UTRN: variants seen among roughly 807,000 people sequenced by gnomAD.
UTRN encodes the protein utrophin.
A neutral mutation model predicts 463.9 loss-of-function variants in UTRN; 283 were observed. That is an observed-to-expected ratio of 0.61 (90% CI 0.55 to 0.67). The LOEUF (loss-of-function observed/expected upper bound fraction) is 0.67, where lower values mean the gene tolerates loss of function less well. Among genes scored for constraint, UTRN ranks in the 30% least tolerant of loss-of-function variants. UTRN has a pLI of 0.00. For synonymous variants in UTRN, 1,442 were observed against 1,431.5 expected, an observed-to-expected ratio of 1.01 and a Z score of -0.17; for missense variants, 3,922 against 4,084.3, an observed-to-expected ratio of 0.96 and a Z score of 1.08.
intron 2 of UTRN, among the ~76,000 whole-genome samples, chr6:144,399,877 C>T (rs1782785001): frequency 6.6e-6 from 1 of 152,202 alleles, no homozygotes; most frequent in African/African-American, 2.4e-5. Context: ...TCTTGCTATA[C>T]TTCTTTTACC....
rs374209033 is a variant in UTRN, at chr6:144,700,106, G to A, written c.7672G>A (p.Ala2558Thr). The A allele has an allele frequency of 1.1e-5, 17 of 1,608,288 alleles. No homozygotes were observed. Among genetic ancestry groups the A allele is most frequent in the South Asian group, 3.3e-5 (3 of 90,240 alleles). ...CAACAGGGCCCATTTGGAGGCCAGCGCTGAGAAGTGGAACAGGTTGCTGAT... is the reference window on the plus strand; with the variant it reads ...CAACAGGGCCCATTTGGAGGCCAGCACTGAGAAGTGGAACAGGTTGCTGAT... ...ASIRAHLEASAEKWNRLLMSL... is the reference protein window; with the variant it reads ...ASIRAHLEASTEKWNRLLMSL... The change falls in exon 53 of 75, where the codon GCT (alanine) becomes ACT (threonine). Residue 2558 changes from alanine (A) to threonine (T), a missense_variant. Around this residue, in one of 3 missense-constraint regions of UTRN, gnomAD observed 1,309 missense variants for 1,452.6 expected, o/e 0.90. Transcript: ENST00000367545.
intron 6 of UTRN, among the ~76,000 whole-genome samples, chr6:144,425,811 T>C (rs1785245127): frequency 2.0e-5 from 3 of 152,236 alleles, no homozygotes; most frequent in African/African-American, 7.2e-5. Flanking sequence ...AAAACATATT[T>C]ACTAATTTAG....
intron 51 of UTRN, among the ~76,000 whole-genome samples, chr6:144,629,907 C>T (rs759933306): frequency 6.6e-5 from 10 of 152,074 alleles, no homozygotes; most frequent in Non-Finnish European, 7.4e-5. Flanking sequence ...GCATTCTGGC[C>T]GGGCGTAGTG....
At chr6:144,676,128 G>T (rs988631680) in intron 51 of UTRN, among the ~76,000 whole-genome samples, 2 of 149,748 alleles carry the variant, frequency 1.3e-5, no homozygotes, top group Admixed American at 6.7e-5. Flanking sequence ...GCATGCAATT[G>T]TTTTGGATAA....
intron 14 of UTRN, 59 bp downstream of exon 14, chr6:144,444,441 T>C: frequency 7.4e-7 from 1 of 1,344,808 alleles, no homozygotes; most frequent in Non-Finnish European, 1.0e-6. Context: ...CCATCTTTTA[T>C]TGTGACTTTA....
At chr6:144,526,775 T>A (rs1796607122) in intron 41 of UTRN, among the ~76,000 whole-genome samples, 1 of 151,682 alleles carries the variant, frequency 6.6e-6, no homozygotes, top group Non-Finnish European at 1.5e-5. Context: ...TTTGTTATTG[T>A]TAATAGGTTC....
At chr6:144,690,074 G>GTTTTTTTTTTTTTTTTTTTT (rs1554339291) in intron 52 of UTRN, among the ~76,000 whole-genome samples, 2 of 31,274 alleles carry the variant, frequency 6.4e-5, no homozygotes, top group Non-Finnish European at 1.0e-4. Flanking sequence ...AAAAGTTTCT[G>GTTTTTTTTTTTTTTTTTTTT]TTTTTTTTTT....
At chr6:144,628,990 A>G (rs1585657051) in intron 51 of UTRN, among the ~76,000 whole-genome samples, 1 of 152,304 alleles carries the variant, frequency 6.6e-6, no homozygotes, top group African/African-American at 2.4e-5. Flanking sequence ...GTTAAATTTG[A>G]TTAATGATTA....
At position 144,836,417 on chromosome 6, in the gene UTRN, T is replaced by C. The variant is rs1313562025; in HGVS notation, c.9941T>C (p.Leu3314Pro). The C allele has an allele frequency of 2.6e-6, 4 of 1,519,296 alleles. No individual in the cohort carries two copies. In the South Asian group the frequency reaches 4.5e-5, roughly 17 times the overall value. 94.1% of individuals were successfully genotyped at this position (1,519,296 alleles called of 1,614,324 possible). A position where few individuals can be genotyped will look rare whatever the true frequency, so the allele number is the denominator to read the frequency against. ...SPHHTSEDSE[L>P]IAEAKLLRQH... ...CATCACACGTCTGAGGATTCAGAAC[T>C]TATAGCAGAAGCAAAACTCCTCAGG... Residue 3314 changes from leucine to proline, a missense_variant, in exon 71 of 75, where the codon CTT (leucine) becomes CCT (proline). Physicochemically the swap from Leu to Pro is moderately conservative, Grantham distance 98 (BLOSUM62 -3). Around this residue, in one of 3 missense-constraint regions of UTRN, gnomAD observed 1,309 missense variants for 1,452.6 expected, o/e 0.90. Transcript: ENST00000367545.
At chr6:144,477,908 T>TATCTATCC (rs376542743) in intron 25 of UTRN, among the ~76,000 whole-genome samples, 6,577 of 147,306 alleles carry the variant, frequency 0.045, 155 homozygotes, top group South Asian at 0.088. Flanking sequence ...TCTATCTATC[T>TATCTATCC]ATCCATCCAT....
At chr6:144,423,853 A>G in intron 5 of UTRN, 133 bp from the exon 6 acceptor site, 2 of 993,560 alleles carry the variant, frequency 2.0e-6, no homozygotes, top group East Asian at 2.5e-5. Context: ...AGCTTACCTG[A>G]TTCTCTAAAA....
chr6:144,742,172 T>G (rs1790171660), intron 54 of UTRN, among the ~76,000 whole-genome samples: 1 of 152,182 alleles, frequency 6.6e-6, no homozygotes. Context: ...ATTGAAAGAT[T>G]TAGGCTACAT....
intron 58 of UTRN, among the ~76,000 whole-genome samples, chr6:144,766,275 A>T (rs1378993436): frequency 6.6e-6 from 1 of 152,182 alleles, no homozygotes; most frequent in Non-Finnish European, 1.5e-5. Context: ...CACCTCTCAG[A>T]TCTTTAAGAA....
At chr6:144,740,892 C>T (rs1789990993) in intron 54 of UTRN, among the ~76,000 whole-genome samples, 1 of 152,176 alleles carries the variant, frequency 6.6e-6, no homozygotes, top group Non-Finnish European at 1.5e-5. Flanking sequence ...GTTCTCTAAT[C>T]AGTGTTACAG....
chr6:144,568,904 GA>G (rs1392451082), intron 50 of UTRN, among the ~76,000 whole-genome samples: 1 of 152,158 alleles, frequency 6.6e-6, no homozygotes, highest in Non-Finnish European at 1.5e-5. Flanking sequence ...GGAGGTGATA[GA>G]ATTAGGTCAT....
chr6:144,513,832 T>G, intron 35 of UTRN, 77 bp from the exon 36 acceptor site: 1 of 1,504,060 alleles, frequency 6.6e-7, no homozygotes, highest in Non-Finnish European at 8.9e-7. Flanking sequence ...TCTTTGAAGG[T>G]CTTTTAAATC....
chr6:144,433,111 C>T (rs1484477641), intron 9 of UTRN, among the ~76,000 whole-genome samples: 45 of 152,274 alleles, frequency 3.0e-4, no homozygotes, highest in African/African-American at 8.9e-4. Context: ...GGCAACCATC[C>T]GATTTCTCAA....
intron 51 of UTRN, among the ~76,000 whole-genome samples, chr6:144,635,071 T>G (rs1440279718): frequency 6.6e-6 from 1 of 151,944 alleles, no homozygotes; most frequent in African/African-American, 2.4e-5. Flanking sequence ...TATATGGGAA[T>G]ATTGTCACCT....
intron 2 of UTRN, among the ~76,000 whole-genome samples, chr6:144,384,097 A>G (rs1382668699): frequency 6.6e-6 from 1 of 152,190 alleles, no homozygotes; most frequent in Non-Finnish European, 1.5e-5. Context: ...TTATTATTTT[A>G]GCCATTTGAA....
Sources: gnomAD v4.1 joint callset for allele counts (sites outside exome capture counted in the v4.1 genomes callset) on GRCh38, gnomAD v4.1.1 for gene constraint, gnomAD v4.1.1 regional missense constraint, MANE v1.5 for transcripts, NCBI Gene and HGNC (gene_info 2026-07-23, HGNC 2026-07-21) for gene names.